KLRG1: variants seen among roughly 807,000 people sequenced by gnomAD.
KLRG1 encodes the protein killer cell lectin-like receptor subfamily G member 1.
In KLRG1, 16 loss-of-function variants were observed where a neutral mutation model predicts 21.8. The ratio of observed to expected loss-of-function variants is 0.73; its 90% CI spans 0.50 to 1.11. The LOEUF (loss-of-function observed/expected upper bound fraction) is 1.11, where lower values mean the gene tolerates loss of function less well. Ranked by LOEUF, KLRG1 falls within the 50% of genes most tolerant of loss-of-function variation. The pLI is 0.00. For synonymous variants in KLRG1, 69 were observed against 75.9 expected (o/e 0.91, Z 0.47); for missense variants, 173 against 218.3 (o/e 0.79, Z 1.31).
the KLRG1 span, among the ~76,000 whole-genome samples, chr12:9,176,364 G>T: frequency 1.3e-5 from 2 of 152,146 alleles, no homozygotes; most frequent in African/African-American, 4.8e-5. Context: ...TAATACCTAG[G>T]TGATGGGTTG....
the KLRG1 span, among the ~76,000 whole-genome samples, chr12:9,100,766 C>G: frequency 1.3e-5 from 2 of 152,146 alleles, no homozygotes; most frequent in Admixed American, 1.3e-4. Flanking sequence ...AATGGAAAAC[C>G]AAACATCATA....
At chr12:8,964,137 A>G (rs757778140) in intron 1 of KLRG1, among the ~76,000 whole-genome samples, 34 of 152,190 alleles carry the variant, frequency 2.2e-4, no homozygotes, top group African/African-American at 7.7e-4. Flanking sequence ...TAGGGTGTCA[A>G]TTTTAGATCT....
chr12:8,963,989 C>G (rs1395933057), intron 1 of KLRG1, among the ~76,000 whole-genome samples: 1 of 152,120 alleles, frequency 6.6e-6, no homozygotes, highest in Non-Finnish European at 1.5e-5. Context: ...AAAACCAGCT[C>G]CTGGATTCAT....
the KLRG1 span, chr12:9,149,134 C>A: frequency 1.4e-6 from 1 of 739,076 alleles, no homozygotes; most frequent in Non-Finnish European, 2.4e-6. Context: ...GTTTATATGC[C>A]ATGTGGTCTG....
At chr12:9,099,287 C>A in the KLRG1 span, 1 of 1,231,074 alleles carries the variant, frequency 8.1e-7, no homozygotes, top group African/African-American at 1.5e-5. Flanking sequence ...TTGTTTAACC[C>A]TTTTGGCCCT....
the KLRG1 span, chr12:9,109,740 A>G: frequency 3.3e-6 from 3 of 919,710 alleles, no homozygotes; most frequent in South Asian, 5.9e-5. Flanking sequence ...CTTAGGTGTA[A>G]TTAATTCTAC....
chr12:8,998,205 T>C (rs933742598), intron 3 of KLRG1, among the ~76,000 whole-genome samples: 1 of 152,106 alleles, frequency 6.6e-6, no homozygotes, highest in African/African-American at 2.4e-5. Context: ...GTTATGCACC[T>C]GTAATCCCAG....
At chr12:9,065,549 CCAA>C in the KLRG1 span, among the ~76,000 whole-genome samples, 1 of 152,180 alleles carries the variant, frequency 6.6e-6, no homozygotes, top group African/African-American at 2.4e-5. Flanking sequence ...AACTTGGGCA[CCAA>C]CAAGCGTGGG....
chr12:9,192,701 T>C, the KLRG1 span: 2 of 1,613,456 alleles, frequency 1.2e-6, no homozygotes, highest in Non-Finnish European at 1.7e-6. Flanking sequence ...CTGCTACCCA[T>C]GAATAGTGAA....
the KLRG1 span, among the ~76,000 whole-genome samples, chr12:9,191,980 C>A: frequency 8.3e-4 from 127 of 152,250 alleles, 1 homozygote; most frequent in African/African-American, 3.0e-3. Flanking sequence ...ACTAGTGTAC[C>A]TTAGCAGAGT....
At chr12:9,190,591 G>A in the KLRG1 span, among the ~76,000 whole-genome samples, 2 of 151,958 alleles carry the variant, frequency 1.3e-5, no homozygotes, top group African/African-American at 4.8e-5. Flanking sequence ...ATAATTATTG[G>A]GTAGTAGGCT....
the KLRG1 span, among the ~76,000 whole-genome samples, chr12:9,136,875 GT>G: frequency 3.9e-5 from 6 of 152,010 alleles, no homozygotes; most frequent in African/African-American, 1.4e-4. Context: ...CATGTTATTA[GT>G]TTTTTTGCTG....
chr12:8,977,490 A>G (rs1428347509), intron 1 of KLRG1, among the ~76,000 whole-genome samples: 1 of 151,766 alleles, frequency 6.6e-6, no homozygotes, highest in East Asian at 1.9e-4. Flanking sequence ...CTGGGATTAC[A>G]GGCATGAGCC....
At chr12:9,189,798 A>G in the KLRG1 span, among the ~76,000 whole-genome samples, 6 of 152,248 alleles carry the variant, frequency 3.9e-5, no homozygotes, top group African/African-American at 1.4e-4. Flanking sequence ...TTTACAAGGA[A>G]AAAACAAACC....
the KLRG1 span, chr12:9,067,743 T>C: frequency 4.5e-6 from 6 of 1,332,044 alleles, no homozygotes; most frequent in Non-Finnish European, 6.4e-6. Flanking sequence ...TCATCAAGTC[T>C]TTAAAGATAC....
the KLRG1 span, among the ~76,000 whole-genome samples, chr12:9,060,791 C>T: frequency 1.3e-5 from 2 of 152,054 alleles, no homozygotes; most frequent in Admixed American, 6.5e-5. Flanking sequence ...TGGTATATGT[C>T]GCTTCTTTAT....
the KLRG1 span, chr12:9,135,053 C>CA: frequency 5.7e-6 from 1 of 176,412 alleles, no homozygotes; most frequent in African/African-American, 2.3e-5. Context: ...CGGGCCGCCC[C>CA]ACCTCTGCCT....
the KLRG1 span, chr12:9,079,548 A>G: frequency 6.4e-6 from 8 of 1,255,398 alleles, no homozygotes; most frequent in Non-Finnish European, 9.0e-6. Context: ...AGCTAAGCTA[A>G]TGTATCATAA....
At chr12:9,152,918 C>T in the KLRG1 span, 2 of 1,614,142 alleles carry the variant, frequency 1.2e-6, no homozygotes, top group Non-Finnish European at 1.7e-6. Context: ...GGGGAGTCCT[C>T]TTTCTCTGGA....
Sources: allele counts gnomAD v4.1 joint callset (sites outside exome capture counted in the v4.1 genomes callset), GRCh38; gene constraint gnomAD v4.1.1; transcripts MANE v1.5; gene names NCBI Gene and HGNC (gene_info 2026-07-23, HGNC 2026-07-21).